SHISA9: variants seen among roughly 807,000 people sequenced by gnomAD.
SHISA9 encodes the protein protein shisa-9.
SHISA9 carries 13 observed loss-of-function variants against 38.0 expected under a neutral mutation model. The observed-to-expected ratio is 0.34, with a 90% CI of 0.22 to 0.54. The LOEUF is 0.54. SHISA9 is among the 20% of genes least tolerant of loss of function. SHISA9 has a pLI of 0.91. For missense variants in SHISA9, 538 were observed against 575.8 expected (o/e 0.93, Z 0.67); for synonymous variants, 275 against 242.0 (o/e 1.14, Z -1.27).
At position 12,923,840 on chromosome 16, in the gene SHISA9, C is replaced by CA. The variant is rs781406385; in HGVS notation, c.691+7025_691+7026insA. Among the ~76,000 whole-genome samples, 249 of 141,924 alleles carry CA rather than the reference C, an allele frequency of 1.8e-3. 1 individual carries two copies. The highest frequency in any genetic ancestry group is 2.7e-3 in the African/African-American group (108 of 39,338). The allele number at this position is 141,924 out of a possible 152,430, so 93.1% of individuals were successfully genotyped here. A position where few individuals can be genotyped will look rare whatever the true frequency, so the allele number is the denominator to read the frequency against. ...TGGGCAACAGAGCAAGACTCCATCT[C>CA]CAAAAAAAAAAAATTAGAGGAGTTA... On this transcript the variant is annotated intron_variant, in intron 2 of 4. Coordinates refer to ENST00000558583, the MANE Select transcript of SHISA9 (RefSeq NM_001145204.3).
the SHISA9 span, among the ~76,000 whole-genome samples, chr16:13,485,203 C>A: frequency 2.0e-5 from 3 of 152,050 alleles, no homozygotes; most frequent in African/African-American, 7.2e-5. Flanking sequence ...CCCCGCACCC[C>A]CCGACAGGCC....
the SHISA9 span, among the ~76,000 whole-genome samples, chr16:13,438,052 G>A: frequency 6.6e-6 from 1 of 151,970 alleles, no homozygotes; most frequent in South Asian, 2.1e-4. Context: ...TTTTAGTAGA[G>A]ATGAGGTTTC....
At chr16:13,045,164 G>T (rs1236985212) in intron 2 of SHISA9, among the ~76,000 whole-genome samples, 1 of 152,164 alleles carries the variant, frequency 6.6e-6, no homozygotes, top group African/African-American at 2.4e-5. Flanking sequence ...AATGTATTTA[G>T]GCTTAAAGTA....
the SHISA9 span, among the ~76,000 whole-genome samples, chr16:13,538,960 A>G: frequency 2.0e-5 from 3 of 152,138 alleles, no homozygotes; most frequent in Non-Finnish European, 4.4e-5. Flanking sequence ...GTTGAGAAAC[A>G]GAATGCCTTC....
the SHISA9 span, among the ~76,000 whole-genome samples, chr16:13,358,399 C>A: frequency 2.0e-5 from 3 of 152,128 alleles, no homozygotes; most frequent in Non-Finnish European, 2.9e-5. Flanking sequence ...CACCCCCCAA[C>A]AGGCTGTGCT....
the SHISA9 span, among the ~76,000 whole-genome samples, chr16:13,296,906 A>G: frequency 6.7e-6 from 1 of 150,320 alleles, no homozygotes; most frequent in Non-Finnish European, 1.5e-5. Flanking sequence ...AAAAAAAAAA[A>G]AAAAAAAAAA....
intron 2 of SHISA9, among the ~76,000 whole-genome samples, chr16:12,919,166 A>G (rs2071296214): frequency 7.1e-6 from 1 of 140,666 alleles, no homozygotes; most frequent in African/African-American, 2.5e-5. Context: ...TCATCAGAGA[A>G]CATTTTGATT....
At chr16:13,535,069 AC>A in the SHISA9 span, among the ~76,000 whole-genome samples, 14 of 151,616 alleles carry the variant, frequency 9.2e-5, no homozygotes, top group African/African-American at 2.7e-4. Flanking sequence ...ACATGGTAAA[AC>A]CCCCCTCTCT....
chr16:13,512,410 G>T, the SHISA9 span, among the ~76,000 whole-genome samples: 1 of 152,088 alleles, frequency 6.6e-6, no homozygotes, highest in East Asian at 1.9e-4. Context: ...AATCAATATC[G>T]TGAAAATGGC....
chr16:13,315,940 G>A, the SHISA9 span, among the ~76,000 whole-genome samples: 10 of 151,932 alleles, frequency 6.6e-5, no homozygotes, highest in Admixed American at 6.6e-4. Flanking sequence ...AAATTGCCCA[G>A]ATGAACTGTT....
intron 2 of SHISA9, among the ~76,000 whole-genome samples, chr16:13,024,074 C>T (rs576689521): frequency 6.6e-6 from 1 of 152,360 alleles, no homozygotes; most frequent in South Asian, 2.1e-4. Context: ...CATTTCTCAT[C>T]TCCATTAATC....
At chr16:13,011,986 C>T (rs995389891) in intron 2 of SHISA9, among the ~76,000 whole-genome samples, 2 of 152,070 alleles carry the variant, frequency 1.3e-5, no homozygotes, top group Non-Finnish European at 2.9e-5. Flanking sequence ...CCGCCACACC[C>T]AGCTAATTTT....
At chr16:13,372,596 C>A in the SHISA9 span, among the ~76,000 whole-genome samples, 1 of 152,184 alleles carries the variant, frequency 6.6e-6, no homozygotes, top group African/African-American at 2.4e-5. Flanking sequence ...GACCACAGAC[C>A]TTGGTCCCTT....
the SHISA9 span, among the ~76,000 whole-genome samples, chr16:13,471,834 CA>C: frequency 9.2e-5 from 14 of 152,058 alleles, no homozygotes; most frequent in Non-Finnish European, 1.9e-4. Context: ...ATATTCCTTA[CA>C]CAGAATATCA....
At chr16:12,904,169 C>T (rs1223742621) in intron 1 of SHISA9, among the ~76,000 whole-genome samples, 1 of 152,156 alleles carries the variant, frequency 6.6e-6, no homozygotes, top group African/African-American at 2.4e-5. Flanking sequence ...AGGCCAGTCC[C>T]TGTTAATTCC....
chr16:13,250,024 A>G, the SHISA9 span, among the ~76,000 whole-genome samples: 1 of 152,058 alleles, frequency 6.6e-6, no homozygotes, highest in African/African-American at 2.4e-5. Context: ...GTGTGCCACC[A>G]CACCTGGCCA....
the SHISA9 span, among the ~76,000 whole-genome samples, chr16:13,356,851 G>A: frequency 9.2e-4 from 140 of 152,264 alleles, no homozygotes; most frequent in Non-Finnish European, 1.4e-3. Context: ...TTTAGATTTT[G>A]CAGGATGGAA....
At chr16:13,169,247 C>T (rs1044757345) in intron 2 of SHISA9, among the ~76,000 whole-genome samples, 12 of 152,130 alleles carry the variant, frequency 7.9e-5, no homozygotes, top group East Asian at 1.9e-4. Flanking sequence ...TTAATGTAGA[C>T]GCAATTAGTG....
intron 2 of SHISA9, among the ~76,000 whole-genome samples, chr16:13,164,197 A>T (rs2050617684): frequency 6.6e-6 from 1 of 152,014 alleles, no homozygotes; most frequent in Non-Finnish European, 1.5e-5. Flanking sequence ...TATTGGTGAT[A>T]CACATTGCAT....
Sources: gnomAD v4.1 joint callset for allele counts (sites outside exome capture counted in the v4.1 genomes callset) on GRCh38, gnomAD v4.1.1 for gene constraint, MANE v1.5 for transcripts, NCBI Gene and HGNC (gene_info 2026-07-23, HGNC 2026-07-21) for gene names.